Variants in DGCR2 observed in about 807,000 individuals in gnomAD.
DGCR2 encodes DiGeorge syndrome critical region gene 2.
DGCR2 carries 24 observed loss-of-function variants against 51.6 expected under a neutral mutation model. The ratio of observed to expected loss-of-function variants is 0.47; its 90% CI spans 0.34 to 0.65. The LOEUF is 0.65. Ranked by LOEUF, DGCR2 falls within the 30% of genes least tolerant of loss-of-function variation. DGCR2 has a pLI of 0.01. For synonymous variants in DGCR2, 340 were observed against 315.4 expected (o/e 1.08, Z -0.82); for missense variants, 765 against 772.1 (o/e 0.99, Z 0.11).
At chr22:19,114,322 G>A (rs9605941) in intron 1 of DGCR2, among the ~76,000 whole-genome samples, 4 of 152,292 alleles carry the variant, frequency 2.6e-5, no homozygotes, top group African/African-American at 7.2e-5. Context: ...AGATTGTCCA[G>A]ACAAGATCTT....
At chr22:19,040,257 T>A (rs931101830) in intron 9 of DGCR2, among the ~76,000 whole-genome samples, 2 of 152,252 alleles carry the variant, frequency 1.3e-5, no homozygotes, top group African/African-American at 4.8e-5. Context: ...CACCCCCAGA[T>A]CATGCAAGAG....
intron 8 of DGCR2, 143 bp downstream of exon 8, chr22:19,041,664 C>G: frequency 1.0e-6 from 1 of 992,316 alleles, no homozygotes; most frequent in South Asian, 1.6e-5. Flanking sequence ...TCCTGGCCCA[C>G]AGGTGAGGAC....
At chr22:19,050,243 A>G (rs2082535178) in intron 6 of DGCR2, among the ~76,000 whole-genome samples, 1 of 152,252 alleles carries the variant, frequency 6.6e-6, no homozygotes, top group Non-Finnish European at 1.5e-5. Flanking sequence ...ATGGGACGTG[A>G]CTTGTTACTT....
intron 2 of DGCR2, among the ~76,000 whole-genome samples, chr22:19,073,315 T>C (rs2082837586): frequency 6.6e-6 from 1 of 151,912 alleles, no homozygotes. Context: ...CATAAAAGAT[T>C]TGGCAGAAGT....
intron 7 of DGCR2, among the ~76,000 whole-genome samples, chr22:19,045,911 A>G (rs1232180303): frequency 6.6e-6 from 1 of 152,148 alleles, no homozygotes. Flanking sequence ...TATTTTTTGT[A>G]GAGATGGGGC....
intron 6 of DGCR2, chr22:19,056,357 T>C (rs2146323918): frequency 6.7e-6 from 2 of 300,608 alleles, no homozygotes; most frequent in East Asian, 7.9e-5. Context: ...CAAGAACGCC[T>C]GCACCATGCT....
At chr22:19,094,156 G>A (rs888148847) in intron 1 of DGCR2, among the ~76,000 whole-genome samples, 7 of 152,262 alleles carry the variant, frequency 4.6e-5, no homozygotes, top group South Asian at 2.1e-4. Context: ...GGTGGGGCAC[G>A]GCGGCCCATG....
intron 1 of DGCR2, among the ~76,000 whole-genome samples, chr22:19,107,479 C>T (rs1182463835): frequency 6.6e-6 from 1 of 152,194 alleles, no homozygotes; most frequent in Admixed American, 6.5e-5. Context: ...CCACCTGCTA[C>T]CATCTATCTG....
chr22:19,089,266 G>A (rs1263706082), intron 2 of DGCR2, 102 bp downstream of exon 2: 10 of 1,324,142 alleles, frequency 7.6e-6, no homozygotes, highest in Middle Eastern at 2.0e-4. Context: ...ACTTTCCAAT[G>A]TGTTAAGACA....
chr22:19,059,569 G>C (rs1278047943), intron 5 of DGCR2, among the ~76,000 whole-genome samples: 2 of 152,080 alleles, frequency 1.3e-5, no homozygotes, highest in Non-Finnish European at 1.5e-5. Context: ...TCCTCGTGCA[G>C]AGCCCTCCTC....
chr22:19,054,476 A>C (rs2082580245), intron 6 of DGCR2, among the ~76,000 whole-genome samples: 2 of 152,264 alleles, frequency 1.3e-5, no homozygotes, highest in South Asian at 4.1e-4. Flanking sequence ...TGGTCCTATA[A>C]GGTGGTTCTA....
rs115412990 is a variant in DGCR2, at chr22:19,077,654, G to A, written c.203-9429C>T. On this transcript the variant is annotated intron_variant, in intron 2 of 9. Coordinates refer to ENST00000263196, the MANE Select transcript of DGCR2 (RefSeq NM_005137.3). ...ATATTTCTTCTTCTTTTTCAAGACTGTTCTGGCTCTTTGGAGTCTGCTGAG... is the reference window on the plus strand; with the variant it reads ...ATATTTCTTCTTCTTTTTCAAGACTATTCTGGCTCTTTGGAGTCTGCTGAG... Among the ~76,000 whole-genome samples the A allele has an allele frequency of 7.7e-3, 1,173 of 152,226 alleles. 20 individuals are homozygous for A. Among genetic ancestry groups the A allele is most frequent in the African/African-American group, 0.026 (1,094 of 41,528 alleles).
intron 9 of DGCR2, among the ~76,000 whole-genome samples, chr22:19,039,911 C>T (rs2082412695): frequency 6.6e-6 from 1 of 152,096 alleles, no homozygotes; most frequent in South Asian, 2.1e-4. Context: ...GGAGGTCTCA[C>T]AGGCTGGTCT....
At chr22:19,049,432 G>A (rs1259945540) in intron 6 of DGCR2, among the ~76,000 whole-genome samples, 2 of 152,148 alleles carry the variant, frequency 1.3e-5, no homozygotes, top group African/African-American at 2.4e-5. Flanking sequence ...GAAAGGCAAA[G>A]AGACATGAGA....
intron 2 of DGCR2, among the ~76,000 whole-genome samples, chr22:19,087,780 G>T (rs958073975): frequency 6.6e-6 from 1 of 151,064 alleles, no homozygotes; most frequent in African/African-American, 2.4e-5. Flanking sequence ...CTCCTCCCAG[G>T]TTCAAGCAAT....
intron 7 of DGCR2, chr22:19,048,088 G>C: frequency 3.2e-6 from 1 of 314,448 alleles, no homozygotes; most frequent in South Asian, 3.4e-5. Flanking sequence ...AGCTACTGGT[G>C]AGGCTGAGGC....
At chr22:19,039,228 C>G (rs1189378124) in intron 9 of DGCR2, 107 bp from the exon 10 acceptor site, 4 of 1,444,608 alleles carry the variant, frequency 2.8e-6, no homozygotes, top group Non-Finnish European at 3.7e-6. Flanking sequence ...GAAGGCCCCC[C>G]TGAAGCTGGG....
chr22:19,108,694 G>C (rs1233861150), intron 1 of DGCR2, among the ~76,000 whole-genome samples: 5 of 147,270 alleles, frequency 3.4e-5, no homozygotes, highest in African/African-American at 1.2e-4. Context: ...AAGGTACAAA[G>C]ACAATTCAAT....
chr22:19,072,293 G>A (rs1250015588), intron 2 of DGCR2, among the ~76,000 whole-genome samples: 2 of 152,064 alleles, frequency 1.3e-5, no homozygotes, highest in Non-Finnish European at 2.9e-5. Flanking sequence ...GAAAAAATCT[G>A]ACCAGGTCAA....
Sources: allele counts gnomAD v4.1 joint callset (sites outside exome capture counted in the v4.1 genomes callset), GRCh38; gene constraint gnomAD v4.1.1; transcripts MANE v1.5; gene names NCBI Gene and HGNC (gene_info 2026-07-23, HGNC 2026-07-21).